Variants in FUCA1 observed in about 807,000 individuals in gnomAD.
FUCA1 encodes the protein tissue alpha-L-fucosidase.
FUCA1 carries 52 observed loss-of-function variants against 56.8 expected under a neutral mutation model. The observed-to-expected ratio is 0.92, with a 90% CI of 0.73 to 1.15. FUCA1 has a LOEUF of 1.15. Among genes scored for constraint, FUCA1 ranks in the 50% most tolerant of loss-of-function variants. FUCA1 has a pLI of 0.00. For missense variants in FUCA1, 568 were observed against 592.6 expected (o/e 0.96, Z 0.43); for synonymous variants, 230 against 226.6 (o/e 1.02, Z -0.14).
At chr1:23,864,854 G>A (rs571522451) in intron 2 of FUCA1, among the ~76,000 whole-genome samples, 2 of 152,036 alleles carry the variant, frequency 1.3e-5, no homozygotes, top group East Asian at 1.9e-4. Flanking sequence ...ACAGGCAAAC[G>A]CCACCACGCC....
At position 23,867,639 on chromosome 1, in the gene FUCA1, T is replaced by C. The variant is rs1416457638; in HGVS notation, c.389+259A>G. Reference sequence around the variant, plus strand: ...CATCAGGTATGGCCTAACTCAGCCCTCTCGGTGCACAGGTGCAGATACCCA... The same window carrying C: ...CATCAGGTATGGCCTAACTCAGCCCCCTCGGTGCACAGGTGCAGATACCCA... On this transcript the variant is annotated intron_variant, in intron 1 of 7. Coordinates refer to ENST00000374479, the MANE Select transcript of FUCA1 (RefSeq NM_000147.5). The surrounding 1 kb of genome is among the most constrained non-coding windows in gnomAD (Gnocchi z 4.9). 1 of 837,522 alleles carries C rather than the reference T, an allele frequency of 1.2e-6. No homozygotes were observed. The highest frequency in any genetic ancestry group is 1.4e-6 in the Non-Finnish European group (1 of 694,876). The allele number at this position is 837,522 out of a possible 1,614,324, so 51.9% of individuals were successfully genotyped here.
chr1:23,848,352 C>T (rs1303139238), intron 6 of FUCA1, among the ~76,000 whole-genome samples: 2 of 152,140 alleles, frequency 1.3e-5, no homozygotes, highest in East Asian at 1.9e-4. Flanking sequence ...GGGCTCCGTA[C>T]AATCCAAGCA....
At chr1:23,852,475 T>G (rs889901973) in intron 5 of FUCA1, among the ~76,000 whole-genome samples, 137 of 138,004 alleles carry the variant, frequency 9.9e-4, no homozygotes, top group African/African-American at 3.5e-3. Context: ...CCTCTCCCTC[T>G]CCCCACGGTC....
chr1:23,849,467 C>T (rs532476916), intron 5 of FUCA1, among the ~76,000 whole-genome samples: 50 of 151,638 alleles, frequency 3.3e-4, no homozygotes, highest in African/African-American at 1.2e-3. Context: ...GCCCCAGAAA[C>T]ATGAGGTGTG....
rs1639667342 is a variant in FUCA1, at chr1:23,868,249, G to A, written c.38C>T (p.Pro13Leu). Residue 13 changes from proline (P) to leucine (L), a missense_variant, in exon 1 of 8, where the codon CCC (proline) becomes CTC (leucine). Coordinates refer to ENST00000374479, the MANE Select transcript of FUCA1 (RefSeq NM_000147.5). ...GAAGAGCAGCAGCAGCAACAGCGCGGGACCCGCCGGCCGCGACCTCATCCC... is the reference window on the plus strand; with the variant it reads ...GAAGAGCAGCAGCAGCAACAGCGCGAGACCCGCCGGCCGCGACCTCATCCC... Reference protein sequence around the residue: ...APGMRSRPAGPALLLLLLFLG... With the variant: ...APGMRSRPAGLALLLLLLFLG... 2.6e-6 allele frequency: 4 copies of A among 1,558,654 alleles called. No homozygotes were observed.
Position 23,848,824 on chromosome 1 carries a change from C to A in FUCA1, c.985G>T (p.Val329Leu). ...AGAAGATAGTTGCCTCCCAAACTTACTGTCTGAACCAGTTCCTGGAGAGAA... is the reference window on the plus strand; with the variant it reads ...AGAAGATAGTTGCCTCCCAAACTTAATGTCTGAACCAGTTCCTGGAGAGAA... ...SEIISELVQT[V>L]SLGGNYLLNI... The change falls in exon 6 of 8, where the codon GTA becomes TTA. Residue 329 changes from valine (V) to leucine (L), a missense_variant. Physicochemically the swap from Val to Leu is conservative, Grantham distance 32. Transcript: ENST00000374479. 1 of 1,614,082 alleles carries A rather than the reference C, an allele frequency of 6.2e-7. No individual in the cohort carries two copies. The highest frequency in any genetic ancestry group is 1.1e-5 in the South Asian group (1 of 91,086).
chr1:23,853,288 C>CCGTCTGGTAAGTGAGGAG (rs1185136115), intron 5 of FUCA1, among the ~76,000 whole-genome samples: 5 of 151,980 alleles, frequency 3.3e-5, no homozygotes, highest in African/African-American at 1.2e-4. Flanking sequence ...GGCAGCCACC[C>CCGTCTGGTAAGTGAGGAG]CGTCTGGTAA....
intron 5 of FUCA1, among the ~76,000 whole-genome samples, chr1:23,851,383 CACATACATACATACATACATACAT>C (rs35768557): frequency 6.8e-6 from 1 of 146,974 alleles, no homozygotes; most frequent in African/African-American, 2.5e-5. Flanking sequence ...AATAAATATA[CACATACATACATACATACATACAT>C]ACATACATAC....
At chr1:23,848,162 T>C (rs2148438407) in intron 6 of FUCA1, among the ~76,000 whole-genome samples, 1 of 152,294 alleles carries the variant, frequency 6.6e-6, no homozygotes, top group East Asian at 1.9e-4. Context: ...ACCTAAGCTC[T>C]CTGGTATAAT....
At chr1:23,854,681 TG>T (rs1639355561) in intron 4 of FUCA1, 121 bp from the exon 5 acceptor site, 3 of 839,086 alleles carry the variant, frequency 3.6e-6, no homozygotes, top group Non-Finnish European at 6.0e-6. Context: ...GGCTGTCAAC[TG>T]GGGGCAATTT....
chr1:23,867,016 G>A lies in FUCA1; in HGVS notation c.389+882C>T, dbSNP rs1206473791. On this transcript the variant is annotated intron_variant, in intron 1 of 7. Coordinates refer to ENST00000374479, the MANE Select transcript of FUCA1 (RefSeq NM_000147.5). The surrounding 1 kb of genome is among the most constrained non-coding windows in gnomAD (Gnocchi z 4.9). ...CAAGAGAAACGAAAACCCGGAAGAT[G>A]GCTGAGGAACCAAGGTAAGGATGGA... 6.6e-6 allele frequency among the ~76,000 whole-genome samples: 1 copy of A among 152,186 alleles called. No homozygotes were observed. The highest frequency in any genetic ancestry group is 2.4e-5 in the African/African-American group (1 of 41,448).
intron 5 of FUCA1, among the ~76,000 whole-genome samples, chr1:23,852,925 G>A (rs1330476733): frequency 1.3e-5 from 2 of 151,698 alleles, no homozygotes; most frequent in Admixed American, 6.6e-5. Flanking sequence ...GAGCGTCTCT[G>A]CCTGGCCGCC....
intron 4 of FUCA1, among the ~76,000 whole-genome samples, chr1:23,857,529 G>T (rs373985883): frequency 6.6e-6 from 1 of 151,384 alleles, no homozygotes; most frequent in African/African-American, 2.4e-5. Context: ...ACAGAGTCTC[G>T]CTCTGTTGCG....
rs11549095 is a variant in FUCA1 at position 23,867,949 on chromosome 1, C to T, written c.338G>A (p.Arg113His). ...GGCCCACTCCTCCGGGTGGAAGAAG[C>T]GCGCAGTGAACTGCGGTCCGAAGTC... is the stretch of plus-strand genomic sequence containing the variant. ...YADFGPQFTA[R>H]FFHPEEWADL... Residue 113 changes from arginine (R) to histidine (H), a missense_variant, in exon 1 of 8, where the codon CGC becomes CAC. Arg to His is a conservative substitution (Grantham distance 29). Transcript: ENST00000374479. This position sits in a 1 kb window ranked among gnomAD's most constrained non-coding sequence, Gnocchi z 4.9. 6.3e-7 allele frequency: 1 copy of T among 1,575,108 alleles called. No homozygotes were observed. The highest frequency in any genetic ancestry group is 8.6e-7 in the Non-Finnish European group (1 of 1,161,262).
At chr1:23,866,408 C>T (rs550213713) in intron 1 of FUCA1, among the ~76,000 whole-genome samples, 5 of 152,320 alleles carry the variant, frequency 3.3e-5, no homozygotes, top group African/African-American at 1.2e-4. Context: ...ATAGAGGTGA[C>T]AAAAGACCCA....
rs544803192 is a variant in FUCA1 at position 23,865,486 on chromosome 1, C to T, written c.524+5G>A. ...ATAACAGAGTAACCATCCCTGGACACTCACCTCTTCCGGAGAGCTGTTCCC... is the reference window on the plus strand; with the variant it reads ...ATAACAGAGTAACCATCCCTGGACATTCACCTCTTCCGGAGAGCTGTTCCC... On this transcript the variant is annotated splice_donor_5th_base_variant and intron_variant, in intron 2 of 7. Coordinates refer to ENST00000374479, the MANE Select transcript of FUCA1 (RefSeq NM_000147.5). 10 of 1,614,068 alleles carry T rather than the reference C, an allele frequency of 6.2e-6. No homozygotes were observed. Among genetic ancestry groups the T allele is most frequent in the Non-Finnish European group, 8.5e-6 (10 of 1,180,018 alleles).
At position 23,846,132 on chromosome 1, in the gene FUCA1, T is replaced by C. The variant is rs772900254; in HGVS notation, c.1202A>G (p.His401Arg). The C allele has an allele frequency of 2.5e-6, 4 of 1,613,948 alleles. No homozygotes were observed. The East Asian group carries it at 6.7e-5, about 27-fold the overall frequency. ...KGSAVYAIFL[H>R]WPENGVLNLE... Reference sequence around the variant, plus strand: ...GTTTAAGACTCCATTTTCTGGCCAGTGCAGAAAAATGGCATAAACAGCCGA... The same window carrying C: ...GTTTAAGACTCCATTTTCTGGCCAGCGCAGAAAAATGGCATAAACAGCCGA... The change falls in exon 7 of 8, where the codon CAC becomes CGC. Residue 401 changes from histidine (H) to arginine (R), a missense_variant. Transcript: ENST00000374479.
At chr1:23,865,685 C>G (rs1344549880) in intron 1 of FUCA1, 60 bp from the exon 2 acceptor site, 1 of 1,600,174 alleles carries the variant, frequency 6.2e-7, no homozygotes. Context: ...ATGAACTTGC[C>G]CAGCATGCCT....
In FUCA1 at chr1:23,846,059, A is replaced by ATTAGT. The variant is rs571738393; in HGVS notation, c.1260+14_1260+15insACTAA. 1.5e-4 allele frequency: 246 copies of ATTAGT among 1,594,628 alleles called. No individual in the cohort carries two copies. The African/African-American group carries it at 3.1e-3, about 20-fold the overall frequency. ...TACAGAAAGTTACATCTTAAGACTG[A>ATTAGT]CTAAGCCTCTTTACCTTTGTAGTTG... On this transcript the variant is annotated intron_variant, in intron 7 of 7. Coordinates refer to ENST00000374479, the MANE Select transcript of FUCA1 (RefSeq NM_000147.5).
Sources: allele counts gnomAD v4.1 joint callset (sites outside exome capture counted in the v4.1 genomes callset), GRCh38; gene constraint gnomAD v4.1.1; non-coding constraint Gnocchi (gnomAD v3.1); transcripts MANE v1.5; gene names NCBI Gene and HGNC (gene_info 2026-07-23, HGNC 2026-07-21).